The following ZFYVE28 variants were observed in gnomAD, a reference collection of about 807,000 sequenced individuals.
ZFYVE28 encodes the protein zinc finger FYVE-type containing 28.
Under a neutral mutation model 82.1 loss-of-function variants are expected in ZFYVE28, and 40 were observed. That is an observed-to-expected ratio of 0.49 (90% CI 0.38 to 0.63). The LOEUF is 0.63. Ranked by LOEUF, ZFYVE28 falls within the 30% of genes least tolerant of loss-of-function variation. ZFYVE28 has a pLI of 0.00. For missense variants in ZFYVE28, 1,321 were observed against 1,242.1 expected (o/e 1.06, Z -0.96); for synonymous variants, 612 against 546.1 (o/e 1.12, Z -1.68).
chr4:2,333,109 G>GGGGACTGTCCTGAGCTCC (rs1447909086), intron 6 of ZFYVE28, among the ~76,000 whole-genome samples: 1 of 151,778 alleles, frequency 6.6e-6, no homozygotes, highest in Non-Finnish European at 1.5e-5. Flanking sequence ...AGTGCCTCCA[G>GGGGACTGTCCTGAGCTCC]GAGGGGACCC....
intron 8 of ZFYVE28, among the ~76,000 whole-genome samples, chr4:2,281,014 G>T (rs1056826993): frequency 6.6e-6 from 1 of 152,214 alleles, no homozygotes; most frequent in Non-Finnish European, 1.5e-5. Context: ...GATTGCCCAC[G>T]GGTAGGTCAG....
chr4:2,339,701 G>C lies in ZFYVE28; in HGVS notation c.319-46C>G, dbSNP rs372030626. On this transcript the variant is annotated intron_variant, in intron 3 of 12. Coordinates refer to ENST00000290974, the MANE Select transcript of ZFYVE28 (RefSeq NM_020972.3). This position sits in a 1 kb window ranked among gnomAD's most constrained non-coding sequence, Gnocchi z 5.0. ...AGGGAGGGGCCCGGGTGAGGGCCAG[G>C]CTCTCAGGGGTCGCCGACCCGGGGA... The C allele has an allele frequency of 6.5e-7, 1 of 1,527,904 alleles. No individual in the cohort carries two copies. Among genetic ancestry groups the C allele is most frequent in the African/African-American group, 1.4e-5 (1 of 72,688 alleles). 94.6% of individuals were successfully genotyped at this position (1,527,904 alleles called of 1,614,324 possible).
chr4:2,358,148 G>A (rs1265825251), intron 1 of ZFYVE28, among the ~76,000 whole-genome samples: 2 of 152,172 alleles, frequency 1.3e-5, no homozygotes, highest in East Asian at 1.9e-4. Flanking sequence ...AACCACCGCC[G>A]TGTGTGTGCA....
intron 8 of ZFYVE28, among the ~76,000 whole-genome samples, chr4:2,297,151 G>A (rs950842698): frequency 2.6e-5 from 4 of 152,238 alleles, no homozygotes; most frequent in South Asian, 2.1e-4. Flanking sequence ...ACGCAGCGGC[G>A]CCTTCACTGA....
At chr4:2,391,854 G>C (rs1298430859) in intron 1 of ZFYVE28, among the ~76,000 whole-genome samples, 1 of 150,888 alleles carries the variant, frequency 6.6e-6, no homozygotes, top group Non-Finnish European at 1.5e-5. Context: ...CCCTGCCTCA[G>C]GCTCCCGAGT....
chr4:2,389,132 G>A (rs960323812), intron 1 of ZFYVE28, among the ~76,000 whole-genome samples: 1 of 152,016 alleles, frequency 6.6e-6, no homozygotes, highest in African/African-American at 2.4e-5. Flanking sequence ...CATGGCTCCT[G>A]CCCCCTAGAT....
Position 2,341,393 on chromosome 4 carries a change from C to T in ZFYVE28, c.318+85G>A, listed in dbSNP as rs1722775213. ...AGGAGACACCAGGTCCCGGCACCTGCAGGCGCCCATGCACAAGGTTCGCAG... is the reference window on the plus strand; with the variant it reads ...AGGAGACACCAGGTCCCGGCACCTGTAGGCGCCCATGCACAAGGTTCGCAG... On this transcript the variant is annotated intron_variant, in intron 3 of 12. Transcript: ENST00000290974. This position sits in a 1 kb window ranked among gnomAD's most constrained non-coding sequence, Gnocchi z 4.5. The T allele has an allele frequency of 3.2e-6, 5 of 1,550,882 alleles. No individual in the cohort carries two copies. Among genetic ancestry groups the T allele is most frequent in the Non-Finnish European group, 4.4e-6 (5 of 1,144,512 alleles).
intron 1 of ZFYVE28, among the ~76,000 whole-genome samples, chr4:2,365,834 A>G (rs1016427210): frequency 6.6e-6 from 1 of 152,226 alleles, no homozygotes. Context: ...TTCTGAAGGA[A>G]AAGGGAGCAC....
rs1354755732 is a variant in ZFYVE28 at position 2,305,019 on chromosome 4, G to C, written c.1321C>G (p.Pro441Ala). The stretch of plus-strand genomic sequence containing the variant: ...AAGCTGATCCCCGCCGCTCCGCCTG[G>C]CCCACCCTGCCCTTTCTCCTGGGGG... The part of the protein sequence containing the change: ...ADPQEKGQGG[P>A]GGAAGISLPA... The change falls in exon 8 of 13, where the codon CCA becomes GCA. Residue 441 changes from proline to alanine, a missense_variant. By Grantham distance (27) the Pro-to-Ala change is conservative. This residue lies in a region of ZFYVE28 where 978 missense variants were observed against 833.7 expected (regional missense o/e 1.17). Coordinates refer to ENST00000290974, the MANE Select transcript of ZFYVE28 (RefSeq NM_020972.3). 6.2e-7 allele frequency: 1 copy of C among 1,612,624 alleles called. No individual in the cohort carries two copies.
intron 6 of ZFYVE28, chr4:2,330,250 G>A (rs1720458761): frequency 2.0e-6 from 2 of 983,642 alleles, no homozygotes; most frequent in South Asian, 9.3e-5. Flanking sequence ...GTAGATGGGT[G>A]AGTCATAGGG....
chr4:2,398,011 G>C (rs1028928542), intron 1 of ZFYVE28, among the ~76,000 whole-genome samples: 3 of 147,712 alleles, frequency 2.0e-5, no homozygotes, highest in African/African-American at 7.6e-5. Flanking sequence ...AATGGAGGGG[G>C]CGGGGTGGGG....
At chr4:2,298,219 T>C (rs1171722738) in intron 8 of ZFYVE28, among the ~76,000 whole-genome samples, 134 of 100,892 alleles carry the variant, frequency 1.3e-3, no homozygotes, top group Middle Eastern at 0.011. Flanking sequence ...CAGCAGAGGA[T>C]GAGCGGTGAC....
chr4:2,399,436 GC>G (rs2108933821), intron 1 of ZFYVE28, among the ~76,000 whole-genome samples: 1 of 149,618 alleles, frequency 6.7e-6, no homozygotes, highest in South Asian at 2.1e-4. Context: ...CCCCTACCAC[GC>G]CCCTGACCGT....
chr4:2,392,144 A>C (rs1578359987), intron 1 of ZFYVE28, among the ~76,000 whole-genome samples: 1 of 148,306 alleles, frequency 6.7e-6, no homozygotes, highest in Admixed American at 6.7e-5. Context: ...ACAGAGCAAG[A>C]CTCCATCCCA....
At chr4:2,384,503 G>A (rs1440597113) in intron 1 of ZFYVE28, among the ~76,000 whole-genome samples, 2 of 152,180 alleles carry the variant, frequency 1.3e-5, no homozygotes, top group African/African-American at 4.8e-5. Context: ...TGCAGTTTGG[G>A]AGCAGGAGTG....
chr4:2,356,155 G>A (rs1725278602), intron 1 of ZFYVE28, among the ~76,000 whole-genome samples: 1 of 152,144 alleles, frequency 6.6e-6, no homozygotes, highest in Admixed American at 6.5e-5. Flanking sequence ...GGTGGGGAGA[G>A]CAAACCCCAG....
intron 2 of ZFYVE28, among the ~76,000 whole-genome samples, chr4:2,351,663 G>A (rs951594225): frequency 2.0e-5 from 3 of 152,196 alleles, no homozygotes; most frequent in Non-Finnish European, 4.4e-5. Context: ...GCAGTGAGCC[G>A]AGATCGTATG....
chr4:2,278,864 C>A (rs2108801730), intron 8 of ZFYVE28, among the ~76,000 whole-genome samples: 1 of 151,238 alleles, frequency 6.6e-6, no homozygotes, highest in South Asian at 2.1e-4. Flanking sequence ...ACATCACTGT[C>A]AGTCAGGAAA....
intron 1 of ZFYVE28, among the ~76,000 whole-genome samples, chr4:2,401,668 G>A (rs1397976591): frequency 6.6e-6 from 1 of 152,182 alleles, no homozygotes; most frequent in Non-Finnish European, 1.5e-5. Context: ...AGAGTTGCCA[G>A]GAGCCAAAAG....
Sources: gnomAD v4.1 joint callset for allele counts (sites outside exome capture counted in the v4.1 genomes callset) on GRCh38, gnomAD v4.1.1 for gene constraint, gnomAD v4.1.1 regional missense constraint, Gnocchi (gnomAD v3.1) non-coding constraint, MANE v1.5 for transcripts, NCBI Gene and HGNC (gene_info 2026-07-23, HGNC 2026-07-21) for gene names.